The following MEIS2 variants were observed in gnomAD, a reference collection of about 807,000 sequenced individuals.
The protein encoded by MEIS2 is homeobox protein Meis2.
A neutral mutation model predicts 58.6 loss-of-function variants in MEIS2; 9 were observed. That is an observed-to-expected ratio of 0.15 (90% confidence interval 0.09 to 0.27). The LOEUF is 0.27. MEIS2 is among the 10% of genes least tolerant of loss of function. The probability of loss-of-function intolerance (pLI) is 1.00; values close to 1 mark genes in which losing one functional copy is unlikely to be tolerated. For missense variants in MEIS2, 427 were observed against 635.0 expected, an observed-to-expected ratio of 0.67 and a Z score of 3.52; for synonymous variants, 221 against 228.4, an observed-to-expected ratio of 0.97 and a Z score of 0.29.
At chr15:37,071,151 A>T (rs986762624) in intron 7 of MEIS2, among the ~76,000 whole-genome samples, 3 of 152,142 alleles carry the variant, frequency 2.0e-5, no homozygotes, top group Non-Finnish European at 2.9e-5. Context: ...TCAAAAAAAA[A>T]TAATTATTAT....
At position 37,071,769 on chromosome 15, in the gene MEIS2, C is replaced by G. The variant is rs1340292255; in HGVS notation, c.754+12002G>C. Among the ~76,000 whole-genome samples the G allele has an allele frequency of 4.6e-5, 7 of 152,142 alleles. 1 individual carries two copies. Among genetic ancestry groups the G allele is most frequent in the Admixed American group, 2.0e-4 (3 of 15,252 alleles). On this transcript the variant is annotated intron_variant, in intron 7 of 11. Transcript: ENST00000561208. ...GAGGATATAAAGGCACGTAGGCCAA[C>G]ACTAGAGGCCATACCTTTAACCACT...
chr15:37,022,493 C>A (rs920735061), intron 8 of MEIS2, among the ~76,000 whole-genome samples: 1 of 152,140 alleles, frequency 6.6e-6, no homozygotes, highest in Admixed American at 6.5e-5. Context: ...AAGAGATCCT[C>A]CCACCTCTGT....
At chr15:37,017,736 G>A (rs1316487480) in intron 8 of MEIS2, among the ~76,000 whole-genome samples, 1 of 152,200 alleles carries the variant, frequency 6.6e-6, no homozygotes, top group Non-Finnish European at 1.5e-5. Context: ...CTCACTCTGA[G>A]TGAAAATGGA....
chr15:37,075,354 C>T (rs1891260633), intron 7 of MEIS2, among the ~76,000 whole-genome samples: 1 of 151,634 alleles, frequency 6.6e-6, no homozygotes. Flanking sequence ...AACCTACCTA[C>T]AACGAAATAA....
At chr15:36,910,405 G>A (rs1447226558) in intron 9 of MEIS2, among the ~76,000 whole-genome samples, 1 of 152,058 alleles carries the variant, frequency 6.6e-6, no homozygotes, top group Non-Finnish European at 1.5e-5. Context: ...TTGTGTCACA[G>A]CCTTTAATAG....
At chr15:36,992,079 C>T (rs1303932225) in intron 8 of MEIS2, among the ~76,000 whole-genome samples, 2 of 151,940 alleles carry the variant, frequency 1.3e-5, no homozygotes, top group East Asian at 3.9e-4. Context: ...TGAGCCACCG[C>T]GCCCGGCCTA....
At chr15:36,971,772 G>A (rs530684878) in intron 8 of MEIS2, among the ~76,000 whole-genome samples, 1 of 152,008 alleles carries the variant, frequency 6.6e-6, no homozygotes, top group South Asian at 2.1e-4. Flanking sequence ...TAAGCAACAT[G>A]CATTACTCTT....
At chr15:36,997,588 G>A (rs55806675) in intron 8 of MEIS2, among the ~76,000 whole-genome samples, 29,557 of 150,912 alleles carry the variant, frequency 0.2, 3,908 homozygotes, top group Non-Finnish European at 0.28. Flanking sequence ...CTGGGTTCAC[G>A]CCATTCTCCT....
At chr15:37,049,134 C>A (rs1416087768) in intron 7 of MEIS2, among the ~76,000 whole-genome samples, 2 of 152,088 alleles carry the variant, frequency 1.3e-5, no homozygotes. Flanking sequence ...TAATAGAATG[C>A]AAATGAATAT....
At chr15:36,930,670 C>A (rs181725109) in intron 9 of MEIS2, among the ~76,000 whole-genome samples, 3 of 150,450 alleles carry the variant, frequency 2.0e-5, no homozygotes, top group African/African-American at 4.9e-5. Flanking sequence ...AAAAAAATGA[C>A]GAAAGCTTTG....
At position 37,062,055 on chromosome 15, in the gene MEIS2, C is replaced by T. The variant is rs576175583; in HGVS notation, c.754+21716G>A. Among the ~76,000 whole-genome samples, 6 of 152,272 alleles carry T rather than the reference C, an allele frequency of 3.9e-5. No individual in the cohort carries two copies. The East Asian group carries it at 1.2e-3, about 29-fold the overall frequency. On this transcript the variant is annotated intron_variant, in intron 7 of 11. Transcript: ENST00000561208. ...TAGTGTCAGTCATCAGCTCAGAAGC[C>T]TACTAAAGGTTTTCACGCTGCCTGA...
chr15:37,029,282 C>T (rs533299035), intron 8 of MEIS2, among the ~76,000 whole-genome samples: 11 of 152,304 alleles, frequency 7.2e-5, no homozygotes, highest in African/African-American at 2.6e-4. Flanking sequence ...GACTCACTTG[C>T]ATGCATGTGA....
At chr15:37,051,168 G>A (rs2062903451) in intron 7 of MEIS2, among the ~76,000 whole-genome samples, 1 of 152,168 alleles carries the variant, frequency 6.6e-6, no homozygotes. Context: ...GCCTCATGTA[G>A]TACCTGAAAT....
intron 8 of MEIS2, among the ~76,000 whole-genome samples, chr15:36,961,354 A>ATAT (rs985108475): frequency 6.6e-6 from 1 of 152,066 alleles, no homozygotes; most frequent in Non-Finnish European, 1.5e-5. Context: ...CCCAAAATAA[A>ATAT]TATACATATC....
chr15:36,929,925 C>G (rs150102602), intron 9 of MEIS2, among the ~76,000 whole-genome samples: 3 of 151,780 alleles, frequency 2.0e-5, no homozygotes, highest in Non-Finnish European at 4.4e-5. Context: ...CACAGAGGCC[C>G]GGTGTGGTGG....
chr15:36,943,510 C>T (rs892365918), intron 9 of MEIS2, among the ~76,000 whole-genome samples: 1 of 152,130 alleles, frequency 6.6e-6, no homozygotes, highest in Non-Finnish European at 1.5e-5. Flanking sequence ...TGGTTACTTT[C>T]AGCATGAGAA....
intron 5 of MEIS2, 50 bp downstream of exon 5, chr15:37,094,477 A>G (rs1478981955): frequency 2.5e-5 from 39 of 1,569,530 alleles, no homozygotes; most frequent in Non-Finnish European, 3.4e-5. Context: ...CAACTCAACT[A>G]GGAGAGGGAA....
upstream of MEIS2, chr15:37,100,599 G>C (rs931075737): frequency 6.7e-6 from 1 of 149,208 alleles, no homozygotes; most frequent in Non-Finnish European, 1.5e-5. Flanking sequence ...GGGCGGGAGG[G>C]GGAGGGGAGG....
chr15:37,072,085 T>C (rs1483862909), intron 7 of MEIS2, among the ~76,000 whole-genome samples: 1 of 152,116 alleles, frequency 6.6e-6, no homozygotes, highest in Non-Finnish European at 1.5e-5. Context: ...CTACTGCCAA[T>C]ACTTTCATTC....
Sources: allele counts gnomAD v4.1 joint callset (sites outside exome capture counted in the v4.1 genomes callset), GRCh38; gene constraint gnomAD v4.1.1; transcripts MANE v1.5; gene names NCBI Gene and HGNC (gene_info 2026-07-23, HGNC 2026-07-21).